STK3: variants seen among roughly 807,000 people sequenced by gnomAD.
The protein encoded by STK3 is serine/threonine-protein kinase 3.
In STK3, 41 loss-of-function variants were observed where a neutral mutation model predicts 58.0. The ratio of observed to expected loss-of-function variants is 0.71; its 90% CI spans 0.55 to 0.92. The LOEUF is 0.92. STK3 is among the 40% of genes least tolerant of loss of function. The pLI is 0.00. For missense variants in STK3, 479 were observed against 602.7 expected (o/e 0.79, Z 2.15); for synonymous variants, 170 against 191.0 (o/e 0.89, Z 0.91).
intron 6 of STK3, among the ~76,000 whole-genome samples, chr8:98,694,954 T>C (rs182680642): frequency 6.6e-6 from 1 of 152,228 alleles, no homozygotes; most frequent in Non-Finnish European, 1.5e-5. Flanking sequence ...TGAACTAGTT[T>C]ACAGTCCCAT....
rs570833545 is a variant in STK3, at chr8:98,906,021, T to G, written c.-78-22187A>C. On this transcript the variant is annotated intron_variant, in intron 1 of 1. Coordinates refer to the STK3 transcript ENST00000519420. ...CAAAACTCAGAGATTGGCACACGTG[T>G]GGGCTACGGTCTGTTTACACCTCCA... is the stretch of plus-strand genomic sequence containing the variant. Among the ~76,000 whole-genome samples the G allele has an allele frequency of 1.2e-4, 18 of 152,346 alleles. No homozygotes were observed. In the East Asian group the frequency reaches 3.1e-3, roughly 26 times the overall value.
intron 6 of STK3, among the ~76,000 whole-genome samples, chr8:98,628,041 A>T (rs1034467243): frequency 1.6e-4 from 24 of 152,220 alleles, no homozygotes; most frequent in African/African-American, 5.8e-4. Context: ...ACTACAACAA[A>T]CATGTAACCT....
At chr8:98,515,249 A>C (rs73275828) in intron 10 of STK3, among the ~76,000 whole-genome samples, 2,707 of 152,156 alleles carry the variant, frequency 0.018, 81 homozygotes, top group African/African-American at 0.063. Flanking sequence ...TTAGCTATCC[A>C]TTACTCATAG....
At chr8:98,788,126 T>G (rs145906000) in intron 1 of STK3, among the ~76,000 whole-genome samples, 1 of 152,162 alleles carries the variant, frequency 6.6e-6, no homozygotes, top group East Asian at 1.9e-4. Context: ...TGAATGTAAA[T>G]AGCCTAAACA....
At chr8:98,931,297 T>C (rs1163728580) in intron 1 of STK3, among the ~76,000 whole-genome samples, 1 of 152,138 alleles carries the variant, frequency 6.6e-6, no homozygotes, top group East Asian at 1.9e-4. Flanking sequence ...CCATATACTA[T>C]CAAATTAATA....
intron 10 of STK3, among the ~76,000 whole-genome samples, chr8:98,472,793 T>C (rs1356492520): frequency 1.3e-5 from 2 of 152,152 alleles, no homozygotes; most frequent in Non-Finnish European, 2.9e-5. Flanking sequence ...TTCTGCTTTA[T>C]CTACAATAAA....
chr8:98,896,020 G>A (rs1838431744), intron 1 of STK3, among the ~76,000 whole-genome samples: 1 of 152,122 alleles, frequency 6.6e-6, no homozygotes, highest in African/African-American at 2.4e-5. Context: ...TTTCTGAGAT[G>A]AGCACGATTT....
chr8:98,924,398 G>T (rs1422982170), intron 1 of STK3, among the ~76,000 whole-genome samples: 1 of 152,216 alleles, frequency 6.6e-6, no homozygotes, highest in Admixed American at 6.5e-5. Flanking sequence ...TAAGCAGGCA[G>T]CCCTGGGTAG....
At position 98,526,754 on chromosome 8, in the gene STK3, T is replaced by A; in HGVS notation, c.1305A>T (p.Gly435=). ...AAAATGTACTTACAAAGTCAAAGTC[T>A]CCATCTTGAGGAACTTTCCAGTTAT... ...FPDNWKVPQD[G]DFDFLKNLSL... is the part of the protein sequence containing the mutation. The change falls in exon 10 of 11, where the codon GGA becomes GGT. Residue 435 remains glycine (G), a synonymous_variant. Coordinates refer to ENST00000419617, the MANE Select transcript of STK3 (RefSeq NM_006281.4). 1 of 1,564,998 alleles carries A rather than the reference T, an allele frequency of 6.4e-7. No homozygotes were observed. Among genetic ancestry groups the A allele is most frequent in the Non-Finnish European group, 8.7e-7 (1 of 1,155,814 alleles).
intron 2 of STK3, chr8:98,436,970 GT>G (rs1818514255): frequency 6.6e-6 from 1 of 152,228 alleles, no homozygotes; most frequent in African/African-American, 2.4e-5. Flanking sequence ...CCCCGCTTCT[GT>G]CCGTGTTAAC....
At chr8:98,737,464 C>CA (rs1056031328) in intron 4 of STK3, among the ~76,000 whole-genome samples, 3 of 151,716 alleles carry the variant, frequency 2.0e-5, no homozygotes, top group African/African-American at 7.3e-5. Flanking sequence ...AACTGGATTA[C>CA]AAAAAAGGTA....
intron 3 of STK3, among the ~76,000 whole-genome samples, chr8:98,752,609 A>G (rs993556235): frequency 6.6e-6 from 1 of 152,154 alleles, no homozygotes; most frequent in East Asian, 1.9e-4. Flanking sequence ...GGGATCTAGT[A>G]AAATCAAAGA....
At chr8:98,590,594 G>GC (rs995442355) in intron 7 of STK3, among the ~76,000 whole-genome samples, 44 of 152,304 alleles carry the variant, frequency 2.9e-4, no homozygotes, top group African/African-American at 1.0e-3. Flanking sequence ...CCCAAGGGAG[G>GC]CCCCCCGATC....
intron 7 of STK3, among the ~76,000 whole-genome samples, chr8:98,591,030 C>T (rs930898342): frequency 5.9e-5 from 9 of 152,158 alleles, no homozygotes; most frequent in African/African-American, 2.2e-4. Context: ...TAAAAATATA[C>T]AGATAGTCCC....
chr8:98,380,612 T>C (rs1817721865), intron 1 of STK3, among the ~76,000 whole-genome samples: 1 of 152,204 alleles, frequency 6.6e-6, no homozygotes, highest in Admixed American at 6.5e-5. Context: ...AAAAATCCTA[T>C]TTACTCTTCT....
At chr8:98,864,487 A>G (rs751757764) in intron 3 of STK3, among the ~76,000 whole-genome samples, 2 of 152,178 alleles carry the variant, frequency 1.3e-5, no homozygotes, top group Non-Finnish European at 2.9e-5. Context: ...TGAAGCCACT[A>G]GCTATTGGTA....
chr8:98,754,084 G>C (rs950885978), intron 3 of STK3, among the ~76,000 whole-genome samples: 1 of 152,140 alleles, frequency 6.6e-6, no homozygotes, highest in Non-Finnish European at 1.5e-5. Flanking sequence ...CCGTATCTCT[G>C]ATTACTCTCC....
chr8:98,355,714 G>A, the STK3 span, among the ~76,000 whole-genome samples: 1 of 152,210 alleles, frequency 6.6e-6, no homozygotes, highest in Non-Finnish European at 1.5e-5. Context: ...TCACTGCCCA[G>A]TATAGATACT....
At chr8:98,839,422 A>T (rs1216299476) in intron 3 of STK3, among the ~76,000 whole-genome samples, 1 of 152,190 alleles carries the variant, frequency 6.6e-6, no homozygotes, top group African/African-American at 2.4e-5. Context: ...TGGGAGAAGT[A>T]AAGGGAGAAA....
Sources: allele counts gnomAD v4.1 joint callset (sites outside exome capture counted in the v4.1 genomes callset), GRCh38; gene constraint gnomAD v4.1.1; transcripts MANE v1.5; gene names NCBI Gene and HGNC (gene_info 2026-07-23, HGNC 2026-07-21).